Variants in POLQ observed in about 807,000 individuals in gnomAD.
POLQ encodes epididymis secretory sperm binding protein.
Under a neutral mutation model 259.2 loss-of-function variants are expected in POLQ, and 233 were observed. That is an observed-to-expected ratio of 0.90 (90% CI 0.81 to 1.00). The LOEUF is 1.00. Ranked by LOEUF, POLQ falls within the 50% of genes least tolerant of loss-of-function variation. The probability of loss-of-function intolerance (pLI) is 0.00; values close to 1 mark genes in which losing one functional copy is unlikely to be tolerated. For missense variants in POLQ, 2,871 were observed against 3,051.6 expected (o/e 0.94, Z 1.39); for synonymous variants, 1,025 against 1,048.8 (o/e 0.98, Z 0.44).
At chr3:121,467,704 A>G in intron 23 of POLQ, 64 bp from the exon 24 acceptor site, 1 of 1,490,792 alleles carries the variant, frequency 6.7e-7, no homozygotes, top group Non-Finnish European at 9.2e-7. Flanking sequence ...AAAAGGTCTG[A>G]TTTTCAGTAA....
At chr3:121,514,925 T>C (rs2048284089) in intron 9 of POLQ, among the ~76,000 whole-genome samples, 1 of 152,144 alleles carries the variant, frequency 6.6e-6, no homozygotes. Flanking sequence ...GGAAAGGAGA[T>C]GACCATCACA....
intron 5 of POLQ, among the ~76,000 whole-genome samples, chr3:121,536,617 A>T (rs1034804153): frequency 6.6e-6 from 1 of 152,210 alleles, no homozygotes; most frequent in Non-Finnish European, 1.5e-5. Flanking sequence ...TTTACACAGT[A>T]ATCTAAAATC....
rs1576417622 is a variant in POLQ, at chr3:121,496,944, T to A, written c.2154-12A>T. The A allele has an allele frequency of 1.2e-6, 2 of 1,611,356 alleles. No homozygotes were observed. The highest frequency in any genetic ancestry group is 1.7e-6 in the Non-Finnish European group (2 of 1,179,408). ...GACTGGTGAAAAACCTGGGAATAAA[T>A]CATCAAAAGCGTGGTAAGAGATCCT... On this transcript the variant is annotated splice_polypyrimidine_tract_variant and intron_variant, in intron 13 of 29. Transcript: ENST00000264233.
intron 12 of POLQ, among the ~76,000 whole-genome samples, chr3:121,508,545 C>T (rs693403): frequency 0.79 from 120,144 of 152,134 alleles, 47,570 homozygotes; most frequent in East Asian, 0.89. Context: ...CCCACAATCT[C>T]AGCCACTGTA....
At chr3:121,438,719 T>C (rs1238720234) in intron 27 of POLQ, among the ~76,000 whole-genome samples, 1 of 152,210 alleles carries the variant, frequency 6.6e-6, no homozygotes, top group Non-Finnish European at 1.5e-5. Flanking sequence ...AATGATGTTT[T>C]CATATATATT....
chr3:121,544,025 A>T (rs1338701529), intron 2 of POLQ, among the ~76,000 whole-genome samples: 1 of 151,842 alleles, frequency 6.6e-6, no homozygotes, highest in Non-Finnish European at 1.5e-5. Flanking sequence ...TATAAAGTAT[A>T]TTACTTGTTG....
At chr3:121,541,988 T>C (rs1016378972) in intron 2 of POLQ, among the ~76,000 whole-genome samples, 1 of 149,708 alleles carries the variant, frequency 6.7e-6, no homozygotes. Context: ...AAAAAAAAAA[T>C]AGCTGGGCGT....
At chr3:121,440,140 T>A in intron 26 of POLQ, 24 bp from the exon 27 acceptor site, 1 of 1,582,680 alleles carries the variant, frequency 6.3e-7, no homozygotes, top group Non-Finnish European at 8.7e-7. Context: ...ACAGAAATAA[T>A]TAATTAGAAC....
At chr3:121,528,997 T>A (rs1290183345) in intron 7 of POLQ, among the ~76,000 whole-genome samples, 1 of 152,164 alleles carries the variant, frequency 6.6e-6, no homozygotes, top group Non-Finnish European at 1.5e-5. Context: ...TATTTTAAGG[T>A]AGTATGTGAT....
At chr3:121,532,596 T>C (rs1040425512) in intron 6 of POLQ, among the ~76,000 whole-genome samples, 13 of 151,506 alleles carry the variant, frequency 8.6e-5, no homozygotes, top group Admixed American at 8.5e-4. Context: ...CTGCCTCCCA[T>C]GTTCAAGCAA....
chr3:121,448,760 AGTAATG>A (rs2047649976), intron 26 of POLQ, among the ~76,000 whole-genome samples: 1 of 152,174 alleles, frequency 6.6e-6, no homozygotes, highest in South Asian at 2.1e-4. Context: ...GGGATGATAG[AGTAATG>A]GTTCTATATC....
At chr3:121,446,551 T>C (rs886143760) in intron 26 of POLQ, among the ~76,000 whole-genome samples, 1 of 152,166 alleles carries the variant, frequency 6.6e-6, no homozygotes, top group Non-Finnish European at 1.5e-5. Context: ...TTATTATTAT[T>C]GGGATCTCTC....
intron 15 of POLQ, among the ~76,000 whole-genome samples, chr3:121,491,842 C>T (rs1025986685): frequency 6.6e-6 from 1 of 152,026 alleles, no homozygotes; most frequent in African/African-American, 2.4e-5. Flanking sequence ...CTGTTAGGAA[C>T]TGGGCCGCAC....
intron 6 of POLQ, among the ~76,000 whole-genome samples, chr3:121,531,791 C>A (rs2048413303): frequency 6.6e-6 from 1 of 152,194 alleles, no homozygotes; most frequent in Non-Finnish European, 1.5e-5. Context: ...TGTGTTCACA[C>A]ATAAATGTAT....
intron 14 of POLQ, chr3:121,494,013 A>T: frequency 1.7e-6 from 1 of 605,730 alleles, no homozygotes; most frequent in Non-Finnish European, 2.9e-6. Flanking sequence ...AACAAACAAG[A>T]AGCCCTCACC....
chr3:121,454,382 A>C (rs1178219673), intron 25 of POLQ, among the ~76,000 whole-genome samples: 1 of 152,326 alleles, frequency 6.6e-6, no homozygotes, highest in African/African-American at 2.4e-5. Flanking sequence ...ACACATAACA[A>C]TATTAACTTT....
chr3:121,442,979 C>T (rs2047606156), intron 26 of POLQ, among the ~76,000 whole-genome samples: 1 of 152,178 alleles, frequency 6.6e-6, no homozygotes, highest in Non-Finnish European at 1.5e-5. Flanking sequence ...CTGCCTTAGC[C>T]TCCCAAGTGG....
chr3:121,464,875 G>A (rs975303978), intron 24 of POLQ, among the ~76,000 whole-genome samples: 1 of 152,086 alleles, frequency 6.6e-6, no homozygotes, highest in Non-Finnish European at 1.5e-5. Context: ...AAGGATTTGA[G>A]ATAAAGGATA....
Position 121,544,605 on chromosome 3 carries a change from G to C in POLQ, c.343+122C>G, listed in dbSNP as rs2048515316. 3 of 602,024 alleles carry C rather than the reference G, an allele frequency of 5.0e-6. No homozygotes were observed. In the South Asian group the frequency reaches 7.1e-5, roughly 14 times the overall value. 37.3% of individuals were successfully genotyped at this position (602,024 alleles called of 1,614,324 possible). A position where few individuals can be genotyped will look rare whatever the true frequency, so the allele number is the denominator to read the frequency against. ...ACTCCACTTTTCACACATATTGTACGATTTTCTCTAGTTATAAAGCACTGC... is the reference window on the plus strand; with the variant it reads ...ACTCCACTTTTCACACATATTGTACCATTTTCTCTAGTTATAAAGCACTGC... On this transcript the variant is annotated intron_variant, in intron 2 of 29. Coordinates refer to ENST00000264233, the MANE Select transcript of POLQ (RefSeq NM_199420.4).
Sources: allele counts gnomAD v4.1 joint callset (sites outside exome capture counted in the v4.1 genomes callset), GRCh38; gene constraint gnomAD v4.1.1; transcripts MANE v1.5; gene names NCBI Gene and HGNC (gene_info 2026-07-23, HGNC 2026-07-21).